The following THRB variants were observed in gnomAD, a reference collection of about 807,000 sequenced individuals.
THRB encodes the protein nuclear receptor subfamily 1 group A member 2.
THRB carries 12 observed loss-of-function variants against 47.8 expected under a neutral mutation model. The observed-to-expected ratio is 0.25, with a 90% CI of 0.16 to 0.41. The LOEUF (loss-of-function observed/expected upper bound fraction) is 0.41, where lower values mean the gene tolerates loss of function less well. Ranked by LOEUF, THRB falls within the 10% of genes least tolerant of loss-of-function variation. The pLI, the probability that THRB is intolerant of heterozygous loss-of-function variation, is 1.00. For missense variants in THRB, 348 were observed against 589.2 expected (o/e 0.59, Z 4.24); for synonymous variants, 218 against 212.2 (o/e 1.03, Z -0.24).
intron 6 of THRB, among the ~76,000 whole-genome samples, chr3:24,148,912 AT>A (rs769154653): frequency 6.6e-6 from 1 of 152,216 alleles, no homozygotes; most frequent in Non-Finnish European, 1.5e-5. Context: ...AACTGTCAAT[AT>A]TATATTTGGG....
intron 1 of THRB, among the ~76,000 whole-genome samples, chr3:24,466,507 C>T (rs979398274): frequency 1.3e-5 from 2 of 152,080 alleles, no homozygotes; most frequent in Non-Finnish European, 2.9e-5. Flanking sequence ...CTGCTGGCTC[C>T]GTGTTCAGTA....
At chr3:24,164,001 A>C (rs2039275915) in intron 5 of THRB, among the ~76,000 whole-genome samples, 1 of 152,130 alleles carries the variant, frequency 6.6e-6, no homozygotes, top group Non-Finnish European at 1.5e-5. Flanking sequence ...TTAACAGAGA[A>C]ATTTACCTTT....
At chr3:24,143,810 G>A (rs2035756196) in intron 7 of THRB, 104 bp from the exon 8 acceptor site, 3 of 1,202,760 alleles carry the variant, frequency 2.5e-6, no homozygotes, top group African/African-American at 3.0e-5. Flanking sequence ...ATGCACAGAT[G>A]GCTTACTGGG....
chr3:24,371,272 C>T (rs1577150898), intron 1 of THRB, among the ~76,000 whole-genome samples: 1 of 152,000 alleles, frequency 6.6e-6, no homozygotes, highest in East Asian at 1.9e-4. Context: ...TATTTTTACC[C>T]AAGAATTCTA....
chr3:24,390,267 A>C (rs1357459812), intron 1 of THRB, among the ~76,000 whole-genome samples: 1 of 151,798 alleles, frequency 6.6e-6, no homozygotes, highest in African/African-American at 2.4e-5. Context: ...CCCAATCCCC[A>C]CTCTCCAGCT....
At chr3:24,140,222 C>T (rs1291581817) in intron 8 of THRB, among the ~76,000 whole-genome samples, 2 of 152,172 alleles carry the variant, frequency 1.3e-5, no homozygotes, top group Non-Finnish European at 2.9e-5. Context: ...GTACTATCTC[C>T]AAGGATGGGT....
At chr3:24,306,340 G>C (rs558744772) in intron 2 of THRB, among the ~76,000 whole-genome samples, 1 of 152,314 alleles carries the variant, frequency 6.6e-6, no homozygotes, top group East Asian at 1.9e-4. Flanking sequence ...GAGGAGGCAG[G>C]AATCTGTCAA....
intron 1 of THRB, among the ~76,000 whole-genome samples, chr3:24,381,114 A>C (rs2065678935): frequency 1.3e-5 from 1 of 76,730 alleles, no homozygotes; most frequent in South Asian, 4.3e-4. Context: ...ACTCTGCCTC[A>C]AAAAAAAAAA....
chr3:24,321,615 G>GA (rs891197556), intron 2 of THRB, among the ~76,000 whole-genome samples: 4 of 151,920 alleles, frequency 2.6e-5, no homozygotes, highest in Non-Finnish European at 4.4e-5. Flanking sequence ...ATTTATGGGG[G>GA]ATTGTATGCT....
intron 1 of THRB, among the ~76,000 whole-genome samples, chr3:24,488,912 TG>T (rs2125940924): frequency 6.6e-6 from 1 of 152,306 alleles, no homozygotes; most frequent in African/African-American, 2.4e-5. Context: ...TAAAAAATAT[TG>T]CTTCTTAGAA....
intron 1 of THRB, among the ~76,000 whole-genome samples, chr3:24,351,188 C>A (rs1308140834): frequency 1.3e-5 from 2 of 151,934 alleles, no homozygotes; most frequent in African/African-American, 4.8e-5. Flanking sequence ...AAACTCAGCC[C>A]TAAATTTGTG....
chr3:24,462,427 C>T (rs1044433084), intron 1 of THRB, among the ~76,000 whole-genome samples: 2 of 152,174 alleles, frequency 1.3e-5, no homozygotes, highest in African/African-American at 2.4e-5. Context: ...GACAAGTAGT[C>T]CTTCAAATTA....
intron 1 of THRB, among the ~76,000 whole-genome samples, chr3:24,466,665 A>G (rs571995660): frequency 6.6e-6 from 1 of 152,348 alleles, no homozygotes; most frequent in African/African-American, 2.4e-5. Flanking sequence ...CCCAGGGCAT[A>G]TAAAACTTGT....
intron 1 of THRB, among the ~76,000 whole-genome samples, chr3:24,355,212 A>C (rs1385100545): frequency 1.3e-5 from 2 of 152,170 alleles, no homozygotes; most frequent in African/African-American, 4.8e-5. Flanking sequence ...CCAAAGGCAC[A>C]TCACCTGAAC....
At chr3:24,460,241 G>A (rs568963923) in intron 1 of THRB, among the ~76,000 whole-genome samples, 2 of 152,246 alleles carry the variant, frequency 1.3e-5, no homozygotes, top group African/African-American at 4.8e-5. Flanking sequence ...CTAAAAATAC[G>A]AGAAGGTTAT....
At chr3:24,333,015 C>T (rs896186866) in intron 2 of THRB, among the ~76,000 whole-genome samples, 5 of 152,042 alleles carry the variant, frequency 3.3e-5, no homozygotes, top group Admixed American at 2.6e-4. Context: ...AACCGGGAGG[C>T]GGAGTTTGCA....
intron 8 of THRB, among the ~76,000 whole-genome samples, chr3:24,138,115 T>C (rs1370518270): frequency 6.6e-6 from 1 of 152,122 alleles, no homozygotes; most frequent in Non-Finnish European, 1.5e-5. Context: ...TCATTAGTAT[T>C]GTTCAAGGTG....
chr3:24,404,450 GATTA>G (rs955882654), intron 1 of THRB, among the ~76,000 whole-genome samples: 4 of 151,846 alleles, frequency 2.6e-5, no homozygotes, highest in African/African-American at 9.7e-5. Flanking sequence ...ACTGTTTGCG[GATTA>G]ATTTTCTTCA....
At chr3:24,476,870 T>G (rs954084598) in intron 1 of THRB, among the ~76,000 whole-genome samples, 5 of 152,186 alleles carry the variant, frequency 3.3e-5, no homozygotes, top group Non-Finnish European at 7.3e-5. Flanking sequence ...TATTTGGACA[T>G]CTCATTCAGG....
Sources: allele counts gnomAD v4.1 joint callset (sites outside exome capture counted in the v4.1 genomes callset), GRCh38; gene constraint gnomAD v4.1.1; transcripts MANE v1.5; gene names NCBI Gene and HGNC (gene_info 2026-07-23, HGNC 2026-07-21).